Variants in DCTN1 observed in about 807,000 individuals in gnomAD.
DCTN1 encodes the protein 150 kDa dynein-associated polypeptide.
In DCTN1, 61 loss-of-function variants were observed where a neutral mutation model predicts 161.2. The ratio of observed to expected loss-of-function variants is 0.38; its 90% CI spans 0.31 to 0.47. DCTN1 has a LOEUF of 0.47. DCTN1 is among the 20% of genes least tolerant of loss of function. DCTN1 has a pLI of 0.99. For synonymous variants in DCTN1, 653 were observed against 632.4 expected (o/e 1.03, Z -0.49); for missense variants, 1,404 against 1,623.7 (o/e 0.86, Z 2.33).
rs950564147 is a variant in DCTN1 at position 74,367,171 on chromosome 2, T to C, written c.2254-64A>G. 3.9e-5 allele frequency: 62 copies of C among 1,597,194 alleles called. No homozygotes were observed. The African/African-American group carries it at 7.5e-4, about 19-fold the overall frequency. On this transcript the variant is annotated intron_variant, in intron 19 of 31. Transcript: ENST00000628224. ...GGAGCCCTTCTGCCTTATCAACATC[T>C]CTAAGAAGTCCCCATCCTCTGCTGA... is the stretch of plus-strand genomic sequence containing the variant.
At chr2:74,391,466 A>T (rs1036981783) in intron 1 of DCTN1, 10 of 261,168 alleles carry the variant, frequency 3.8e-5, no homozygotes, top group Non-Finnish European at 5.3e-5. Context: ...TTTCTCAACC[A>T]TGTGCCCACA....
Position 74,369,031 on chromosome 2 carries a change from C to G in DCTN1, c.1701+67G>C. 6.4e-7 allele frequency: 1 copy of G among 1,572,312 alleles called. No homozygotes were observed. The highest frequency in any genetic ancestry group is 8.7e-7 in the Non-Finnish European group (1 of 1,152,236). On this transcript the variant is annotated intron_variant, in intron 15 of 31. Transcript: ENST00000628224. The surrounding 1 kb of genome is among the most constrained non-coding windows in gnomAD (Gnocchi z 4.9). ...ACAAAGCACCCCTTCCCCCAGGAAT[C>G]TGAAGCCCAGACCCCATACCAGTTC...
chr2:74,371,165 T>A lies in DCTN1; in HGVS notation c.657A>T (p.Gly219=), dbSNP rs1449684070. 1.2e-6 allele frequency: 2 copies of A among 1,613,602 alleles called. No individual in the cohort carries two copies. Among genetic ancestry groups the A allele is most frequent in the Admixed American group, 3.3e-5 (2 of 60,004 alleles). The part of the protein sequence containing the change: ...PLPSPSKEEE[G]LRAQVRDLEE... ...CCAGGTCCCGCACCTGAGCCCTTAGTCCCTCCTCCTCCTGCAAAGGAGAGG... is the reference window on the plus strand; with the variant it reads ...CCAGGTCCCGCACCTGAGCCCTTAGACCCTCCTCCTCCTGCAAAGGAGAGG... The change falls in exon 9 of 32, where the codon GGA becomes GGT. Residue 219 remains glycine (G), a synonymous_variant. Coordinates refer to ENST00000628224, the MANE Select transcript of DCTN1 (RefSeq NM_004082.5).
Position 74,380,285 on chromosome 2 carries a change from T to G in DCTN1, c.-248A>C. ...TCCTGAACCCAGAGACACAGAATCC[T>G]GCTTGCCAGCTGATGAGTCTCACTC... On this transcript the variant is annotated 5_prime_UTR_variant, in exon 1 of 32. Transcript: ENST00000628224. 1.6e-6 allele frequency: 1 copy of G among 609,046 alleles called. No individual in the cohort carries two copies. The highest frequency in any genetic ancestry group is 1.8e-5 in the South Asian group (1 of 55,602). 37.7% of individuals were successfully genotyped at this position (609,046 alleles called of 1,614,324 possible).
chr2:74,361,427 A>T lies in DCTN1; in HGVS notation c.*72T>A. ...CACGTTTCTACCTGGGGGCTGGCTG[A>T]GGTGGCTGTGCATCGGGCAGAGCGG... On this transcript the variant is annotated 3_prime_UTR_variant, in exon 32 of 32. Transcript: ENST00000628224. The T allele has an allele frequency of 6.2e-7, 1 of 1,607,450 alleles. No homozygotes were observed. Among genetic ancestry groups the T allele is most frequent in the Non-Finnish European group, 8.5e-7 (1 of 1,176,556 alleles).
At chr2:74,375,936 G>A (rs1675195755) in intron 5 of DCTN1, among the ~76,000 whole-genome samples, 1 of 152,192 alleles carries the variant, frequency 6.6e-6, no homozygotes, top group African/African-American at 2.4e-5. Context: ...CTGACGACAA[G>A]GAAATCACAG....
intron 1 of DCTN1, among the ~76,000 whole-genome samples, chr2:74,379,671 C>CTT (rs1675419519): frequency 6.6e-6 from 1 of 152,140 alleles, no homozygotes; most frequent in Non-Finnish European, 1.5e-5. Context: ...AACAAAGCAG[C>CTT]TCTTAAGAAA....
At position 74,369,385 on chromosome 2, in the gene DCTN1, T is replaced by C; in HGVS notation, c.1499A>G (p.Gln500Arg). The change falls in exon 14 of 32, where the codon CAG becomes CGG. Residue 500 changes from glutamine to arginine, a missense_variant. Physicochemically the swap from Gln to Arg is conservative, Grantham distance 43. This residue lies in a region of DCTN1 where 278 missense variants were observed against 363.8 expected (regional missense o/e 0.76). Transcript: ENST00000628224. The surrounding 1 kb of genome is among the most constrained non-coding windows in gnomAD (Gnocchi z 4.9). ...CTCCTGGGCTGCCTCCACACGCTTC[T>C]GGGCCTCACGAACCCGCGCGCCTGC... Reference protein sequence around the residue: ...DMAGARVREAQKRVEAAQETV... With the variant: ...DMAGARVREARKRVEAAQETV... 2 of 1,614,222 alleles carry C rather than the reference T, an allele frequency of 1.2e-6. No individual in the cohort carries two copies. Among genetic ancestry groups the C allele is most frequent in the Admixed American group, 3.3e-5 (2 of 60,030 alleles).
chr2:74,384,135 C>T (rs1428069190), upstream of DCTN1, among the ~76,000 whole-genome samples: 1 of 152,252 alleles, frequency 6.6e-6, no homozygotes, highest in Middle Eastern at 3.4e-3. Flanking sequence ...GAAAATGCGT[C>T]CTGTTCTTAG....
At chr2:74,372,260 C>T (rs1398815858) in intron 7 of DCTN1, among the ~76,000 whole-genome samples, 1 of 152,178 alleles carries the variant, frequency 6.6e-6, no homozygotes, top group African/African-American at 2.4e-5. Context: ...CTTTGGGAGT[C>T]AAGCTGAATC....
rs752079233 is a variant in DCTN1, at chr2:74,365,113, G to A, written c.3158C>T (p.Pro1053Leu). ...AGAGACCAGAGTAGCAATGCCTGAAGGAGGAGGGCCCCGGAGTCCCTCAAT... is the reference window on the plus strand; with the variant it reads ...AGAGACCAGAGTAGCAATGCCTGAAAGAGGAGGGCCCCGGAGTCCCTCAAT... ...RTIEGLRGPP[P>L]SGIATLVSGI... The change falls in exon 26 of 32, where the codon CCT (proline) becomes CTT (leucine). Residue 1053 changes from proline (P) to leucine (L), a missense_variant. Transcript: ENST00000628224. 34 of 1,614,182 alleles carry A rather than the reference G, an allele frequency of 2.1e-5. No individual in the cohort carries two copies. In the South Asian group the frequency reaches 2.7e-4, roughly 13 times the overall value.
At chr2:74,363,579 C>T (rs1231706118) in intron 27 of DCTN1, 35 bp downstream of exon 27, 1 of 1,612,380 alleles carries the variant, frequency 6.2e-7, no homozygotes, top group Admixed American at 1.7e-5. Flanking sequence ...CAACTCCCAC[C>T]AGCCTGGTAA....
At chr2:74,380,314 G>A (rs1214105169), upstream of DCTN1, 3 of 577,692 alleles carry the variant, frequency 5.2e-6, no homozygotes, top group South Asian at 1.8e-5. Context: ...CTCACTCTGC[G>A]CTAGTGCTGC....
chr2:74,368,654 ACT>A, intron 16 of DCTN1, 72 bp downstream of exon 16: 1 of 1,605,760 alleles, frequency 6.2e-7, no homozygotes. Context: ...TGTTGTCTTC[ACT>A]CAGCATCTTC....
chr2:74,363,232 C>T, intron 28 of DCTN1, 55 bp from the exon 29 acceptor site: 1 of 1,614,082 alleles, frequency 6.2e-7, no homozygotes, highest in Non-Finnish European at 8.5e-7. Context: ...CCCCTGTCAT[C>T]TATCATCAAT....
intron 6 of DCTN1, chr2:74,373,163 T>G (rs1674993030): frequency 7.9e-6 from 5 of 633,740 alleles, no homozygotes; most frequent in Non-Finnish European, 1.4e-5. Context: ...CCTTGGTTCC[T>G]GCTCCCACTT....
Position 74,387,274 on chromosome 2 carries a change from C to A in DCTN1, c.-19+4520G>T, listed in dbSNP as rs13391791. ...TTCCTGGGCAACATTCTCTCCTACC[C>A]TTGCACGTCAATCCTTCTCATCTCC... On this transcript the variant is annotated intron_variant, in intron 1 of 27. Transcript: ENST00000409240. 5.8e-3 allele frequency among the ~76,000 whole-genome samples: 884 copies of A among 152,286 alleles called. 7 individuals are homozygous for A. The highest frequency in any genetic ancestry group is 9.3e-3 in the South Asian group (45 of 4,816).
At chr2:74,374,491 G>A in intron 5 of DCTN1, 151 bp from the exon 6 acceptor site, 7 of 1,506,282 alleles carry the variant, frequency 4.6e-6, no homozygotes, top group Middle Eastern at 4.1e-4. Flanking sequence ...GGAGATTAGT[G>A]CATCAAATCC....
At chr2:74,382,833 G>A (rs113904020), upstream of DCTN1, among the ~76,000 whole-genome samples, 25 of 152,058 alleles carry the variant, frequency 1.6e-4, no homozygotes, top group Non-Finnish European at 2.8e-4. Flanking sequence ...AGCACTTTGG[G>A]AGGCCGAGGC....
Sources: allele counts gnomAD v4.1 joint callset (sites outside exome capture counted in the v4.1 genomes callset), GRCh38; gene constraint gnomAD v4.1.1; regional missense constraint gnomAD v4.1.1; non-coding constraint Gnocchi (gnomAD v3.1); transcripts MANE v1.5; gene names NCBI Gene and HGNC (gene_info 2026-07-23, HGNC 2026-07-21).